CSMD1: variants seen among roughly 807,000 people sequenced by gnomAD.
CSMD1 encodes CUB and sushi domain-containing protein 1.
In CSMD1, 213 loss-of-function variants were observed where a neutral mutation model predicts 417.5. That is an observed-to-expected ratio of 0.51 (90% CI 0.46 to 0.57). The LOEUF is 0.57. Ranked by LOEUF, CSMD1 falls within the 20% of genes least tolerant of loss-of-function variation. The pLI, the probability that CSMD1 is intolerant of heterozygous loss-of-function variation, is 0.00. For synonymous variants in CSMD1, 2,862 were observed against 1,736.8 expected, an observed-to-expected ratio of 1.65 and a Z score of -16.11; for missense variants, 6,923 against 4,529.7, an observed-to-expected ratio of 1.53 and a Z score of -15.17.
Position 4,402,765 on chromosome 8 carries a change from C to G in CSMD1, c.415+17188G>C, listed in dbSNP as rs545503365. On this transcript the variant is annotated intron_variant, in intron 3 of 69. Coordinates refer to ENST00000635120, the MANE Select transcript of CSMD1 (RefSeq NM_033225.6). ...ACCTCTTTGCATCTGTACTGAATGC[C>G]CTTGATGCTGTGAGTATAATGTCCT... is the stretch of plus-strand genomic sequence containing the variant. Among the ~76,000 whole-genome samples the G allele has an allele frequency of 2.0e-5, 3 of 150,964 alleles. No homozygotes were observed. In the East Asian group the frequency reaches 5.8e-4, roughly 29 times the overall value.
chr8:3,852,844 T>C (rs761561740), intron 5 of CSMD1, among the ~76,000 whole-genome samples: 14 of 152,132 alleles, frequency 9.2e-5, no homozygotes, highest in Non-Finnish European at 1.8e-4. Flanking sequence ...CCACCAGGGA[T>C]TCCTCTCAGC....
At chr8:4,317,286 C>G (rs921081185) in intron 3 of CSMD1, among the ~76,000 whole-genome samples, 5 of 152,060 alleles carry the variant, frequency 3.3e-5, no homozygotes, top group African/African-American at 1.2e-4. Flanking sequence ...AAGCTGAAAG[C>G]ACTGGTGTGA....
chr8:3,265,793 T>C lies in CSMD1; in HGVS notation c.4153+18351A>G, dbSNP rs185245019. Among the ~76,000 whole-genome samples the C allele has an allele frequency of 5.1e-4, 77 of 152,210 alleles. No homozygotes were observed. The East Asian group carries it at 9.0e-3, about 18-fold the overall frequency. On this transcript the variant is annotated intron_variant, in intron 26 of 69. Coordinates refer to ENST00000635120, the MANE Select transcript of CSMD1 (RefSeq NM_033225.6). ...GCATGACTTTGATGCAGTTGCACCC[T>C]CCACACAGTCCTTCAGACTAGGGTT...
intron 2 of CSMD1, among the ~76,000 whole-genome samples, chr8:4,442,003 T>C (rs908780282): frequency 4.6e-5 from 7 of 152,204 alleles, no homozygotes; most frequent in Admixed American, 2.0e-4. Context: ...AGACTTGCCC[T>C]GAGTCATTTC....
At chr8:3,694,048 T>C (rs1800407309) in intron 7 of CSMD1, among the ~76,000 whole-genome samples, 1 of 148,428 alleles carries the variant, frequency 6.7e-6, no homozygotes, top group African/African-American at 2.5e-5. Flanking sequence ...GGTATGTGTG[T>C]TGTGTTAGTG....
At chr8:3,778,701 A>G (rs1799021768) in intron 5 of CSMD1, among the ~76,000 whole-genome samples, 1 of 152,194 alleles carries the variant, frequency 6.6e-6, no homozygotes, top group African/African-American at 2.4e-5. Context: ...GCCAAAGATC[A>G]TCTTCCGAGC....
intron 5 of CSMD1, among the ~76,000 whole-genome samples, chr8:3,777,110 C>G (rs555453391): frequency 1.0e-5 from 1 of 97,876 alleles, no homozygotes; most frequent in African/African-American, 3.8e-5. Context: ...TCTATATTAG[C>G]TATCTATACC....
intron 3 of CSMD1, among the ~76,000 whole-genome samples, chr8:4,122,967 C>A (rs1286755632): frequency 1.3e-5 from 2 of 152,206 alleles, no homozygotes; most frequent in Non-Finnish European, 2.9e-5. Flanking sequence ...TGTGGCTAGA[C>A]CTACGGTGAT....
intron 20 of CSMD1, among the ~76,000 whole-genome samples, chr8:3,360,377 G>A (rs1213310233): frequency 2.6e-5 from 4 of 152,190 alleles, no homozygotes; most frequent in Admixed American, 6.5e-5. Context: ...TAGTATGTAC[G>A]TATAATTGAG....
chr8:3,301,198 AAAAC>A (rs141635642), intron 25 of CSMD1, among the ~76,000 whole-genome samples: 2,023 of 152,112 alleles, frequency 0.013, 50 homozygotes, highest in African/African-American at 0.046. Flanking sequence ...TTTTTAAAAT[AAAAC>A]AAACCATATT....
rs865832125 is a variant in CSMD1, at chr8:4,391,613, C to A, written c.415+28340G>T. On this transcript the variant is annotated intron_variant, in intron 3 of 69. Coordinates refer to ENST00000635120, the MANE Select transcript of CSMD1 (RefSeq NM_033225.6). ...TTTGCCCCCGCTTTTGACTCCAGAC[C>A]AAGCAGAGGAAGTGAAATACACTGC... Among the ~76,000 whole-genome samples the A allele has an allele frequency of 3.9e-5, 6 of 152,116 alleles. 1 individual carries two copies. The highest frequency in any genetic ancestry group is 6.8e-3 in the Middle Eastern group (2 of 294).
At chr8:3,454,290 T>C (rs1256325836) in intron 12 of CSMD1, among the ~76,000 whole-genome samples, 1 of 152,224 alleles carries the variant, frequency 6.6e-6, no homozygotes, top group Non-Finnish European at 1.5e-5. Context: ...TGTCTTTTAA[T>C]TGGAGCATTT....
intron 17 of CSMD1, among the ~76,000 whole-genome samples, chr8:3,394,497 T>A (rs1480481732): frequency 1.3e-5 from 2 of 152,058 alleles, no homozygotes; most frequent in African/African-American, 2.4e-5. Context: ...AGCAAAGTCA[T>A]CTACAGCTAC....
chr8:3,199,654 G>A lies in CSMD1; in HGVS notation c.5194+60C>T, dbSNP rs779309073. The A allele has an allele frequency of 1.7e-4, 192 of 1,099,570 alleles. 1 individual carries two copies. The Middle Eastern group carries it at 3.2e-3, about 18-fold the overall frequency. 68.1% of individuals were successfully genotyped at this position (1,099,570 alleles called of 1,614,324 possible). A position where few individuals can be genotyped will look rare whatever the true frequency, so the allele number is the denominator to read the frequency against. ...TTGAGTGCTTTGTCTGAGACTAGCC[G>A]TGGGTGCAGCATCAGGAAAGACCAC... On this transcript the variant is annotated intron_variant, in intron 33 of 69. Coordinates refer to ENST00000635120, the MANE Select transcript of CSMD1 (RefSeq NM_033225.6).
At chr8:3,499,559 A>C (rs986899000) in intron 10 of CSMD1, among the ~76,000 whole-genome samples, 2 of 152,086 alleles carry the variant, frequency 1.3e-5, no homozygotes, top group Non-Finnish European at 2.9e-5. Flanking sequence ...GGTCTCCTGC[A>C]AGAGGCATAT....
At chr8:4,278,235 A>T (rs1387238851) in intron 3 of CSMD1, among the ~76,000 whole-genome samples, 1 of 152,156 alleles carries the variant, frequency 6.6e-6, no homozygotes, top group African/African-American at 2.4e-5. Context: ...TGTTCAGTGA[A>T]GTATAGTGAT....
At chr8:3,182,113 A>AC in intron 36 of CSMD1, among the ~76,000 whole-genome samples, 1 of 152,260 alleles carries the variant, frequency 6.6e-6, no homozygotes, top group African/African-American at 2.4e-5. Flanking sequence ...GTACTGCTGT[A>AC]TAAAGGGAGA....
At chr8:4,573,150 G>C (rs965145554) in intron 2 of CSMD1, among the ~76,000 whole-genome samples, 1 of 152,146 alleles carries the variant, frequency 6.6e-6, no homozygotes. Flanking sequence ...CTGTCCCGTT[G>C]TGTTCCCTTG....
rs7827031 is a variant in CSMD1, at chr8:4,651,074, A to G, written c.86-13516T>C. Among the ~76,000 whole-genome samples, 245 of 152,318 alleles carry G rather than the reference A, an allele frequency of 1.6e-3. 3 individuals carry two copies. The highest frequency in any genetic ancestry group is 5.7e-3 in the African/African-American group (238 of 41,568). On this transcript the variant is annotated intron_variant, in intron 1 of 69. Transcript: ENST00000635120. ...GGATCAAAACTTTTAGATCTAGTGC[A>G]GATGTCTCAGGAAATATAACATGAT...
Sources: allele counts gnomAD v4.1 joint callset (sites outside exome capture counted in the v4.1 genomes callset), GRCh38; gene constraint gnomAD v4.1.1; transcripts MANE v1.5; gene names NCBI Gene and HGNC (gene_info 2026-07-23, HGNC 2026-07-21).